The following B3GALT1 variants were observed in gnomAD, a reference collection of about 807,000 sequenced individuals.
B3GALT1 encodes UDP-Gal:betaGlcNAc beta 1,3-galactosyltransferase, polypeptide 1.
A neutral mutation model predicts 23.2 loss-of-function variants in B3GALT1; 10 were observed. The ratio of observed to expected loss-of-function variants is 0.43; its 90% CI spans 0.27 to 0.73. The LOEUF (loss-of-function observed/expected upper bound fraction) is 0.73, where lower values mean the gene tolerates loss of function less well. Among genes scored for constraint, B3GALT1 ranks in the 30% least tolerant of loss-of-function variants. The pLI is 0.21. For synonymous variants in B3GALT1, 156 were observed against 141.5 expected (o/e 1.10, Z -0.73); for missense variants, 299 against 405.4 (o/e 0.74, Z 2.25).
chr2:167,762,215 C>G (rs1687907820), intron 3 of B3GALT1, among the ~76,000 whole-genome samples: 1 of 152,114 alleles, frequency 6.6e-6, no homozygotes, highest in African/African-American at 2.4e-5. Flanking sequence ...CAGTTCTCAG[C>G]ACAATGACAT....
intron 2 of B3GALT1, among the ~76,000 whole-genome samples, chr2:167,646,204 G>A (rs368422527): frequency 2.6e-5 from 4 of 152,236 alleles, no homozygotes; most frequent in African/African-American, 7.2e-5. Flanking sequence ...AGCTCAAAAA[G>A]CATTACCACA....
At chr2:167,819,721 G>A (rs778004304) in intron 4 of B3GALT1, among the ~76,000 whole-genome samples, 11 of 152,170 alleles carry the variant, frequency 7.2e-5, no homozygotes, top group South Asian at 2.1e-4. Flanking sequence ...GGAAGGTGGC[G>A]GGTAGCTCTG....
chr2:167,450,884 C>T (rs1232984922), intron 1 of B3GALT1, among the ~76,000 whole-genome samples: 1 of 151,990 alleles, frequency 6.6e-6, no homozygotes, highest in African/African-American at 2.4e-5. Flanking sequence ...AGGCTTTGTT[C>T]ATTTTTTCTT....
At chr2:167,311,032 C>T (rs1031724706) in intron 1 of B3GALT1, among the ~76,000 whole-genome samples, 1 of 152,020 alleles carries the variant, frequency 6.6e-6, no homozygotes, top group Non-Finnish European at 1.5e-5. Context: ...ATAATTAGGA[C>T]ATTAAAATAT....
intron 2 of B3GALT1, among the ~76,000 whole-genome samples, chr2:167,512,662 G>T (rs935331759): frequency 3.7e-5 from 5 of 133,550 alleles, no homozygotes; most frequent in African/African-American, 8.5e-5. Flanking sequence ...TTTGAGATAG[G>T]GTCTCATTCA....
chr2:167,786,615 C>T (rs1318451279), intron 3 of B3GALT1, among the ~76,000 whole-genome samples: 2 of 152,130 alleles, frequency 1.3e-5, no homozygotes, highest in Non-Finnish European at 2.9e-5. Flanking sequence ...TCCTTTGTCT[C>T]ATGTTAGCAG....
chr2:167,565,405 T>C (rs551036503), intron 2 of B3GALT1, among the ~76,000 whole-genome samples: 15 of 152,246 alleles, frequency 9.9e-5, no homozygotes, highest in African/African-American at 3.6e-4. Flanking sequence ...ACAAAAACCC[T>C]AGAAGAAAAC....
In B3GALT1 at chr2:167,510,414, T is replaced by G. The variant is rs562359699; in HGVS notation, c.-410+20137T>G. 2.2e-4 allele frequency among the ~76,000 whole-genome samples: 34 copies of G among 151,228 alleles called. 1 individual carries two copies. Among genetic ancestry groups the G allele is most frequent in the East Asian group, 5.8e-4 (3 of 5,168 alleles). On this transcript the variant is annotated intron_variant, in intron 2 of 4. Transcript: ENST00000392690. ...TTCATGATTGCAAGTTTTGTTTTTT[T>G]TTTTTTTTTTTTCCAGCCTAAGTTA...
chr2:167,595,517 CA>C (rs11302994), intron 2 of B3GALT1, among the ~76,000 whole-genome samples: 107,952 of 151,920 alleles, frequency 0.71, 39,439 homozygotes, highest in Admixed American at 0.82. Flanking sequence ...GGGGGACTTA[CA>C]AAAATAATCT....
chr2:167,730,454 A>C (rs531601121), intron 3 of B3GALT1, among the ~76,000 whole-genome samples: 1 of 152,334 alleles, frequency 6.6e-6, no homozygotes, highest in African/African-American at 2.4e-5. Context: ...TTTACAGTTT[A>C]CAAAATACTT....
chr2:167,663,531 G>A (rs977310122), intron 3 of B3GALT1, among the ~76,000 whole-genome samples: 67 of 151,912 alleles, frequency 4.4e-4, no homozygotes, highest in African/African-American at 1.5e-3. Flanking sequence ...CTGAGGAATC[G>A]CCACACTGAC....
chr2:167,577,738 A>C (rs1684410038), intron 2 of B3GALT1, among the ~76,000 whole-genome samples: 1 of 151,946 alleles, frequency 6.6e-6, no homozygotes, highest in Non-Finnish European at 1.5e-5. Flanking sequence ...AGACATTGAA[A>C]TAAATTTCCT....
intron 4 of B3GALT1, among the ~76,000 whole-genome samples, chr2:167,826,779 T>C (rs1328574896): frequency 1.3e-5 from 2 of 152,024 alleles, no homozygotes; most frequent in African/African-American, 4.8e-5. Flanking sequence ...AAAGATAATA[T>C]AAGTAAAAAA....
intron 1 of B3GALT1, among the ~76,000 whole-genome samples, chr2:167,343,826 G>A (rs1307811100): frequency 6.6e-6 from 1 of 152,070 alleles, no homozygotes; most frequent in African/African-American, 2.4e-5. Flanking sequence ...CTCTTTTTCA[G>A]GCTGTATTAG....
At chr2:167,405,065 G>C (rs1285629007) in intron 1 of B3GALT1, among the ~76,000 whole-genome samples, 6 of 152,130 alleles carry the variant, frequency 3.9e-5, no homozygotes, top group Non-Finnish European at 5.9e-5. Context: ...AGACAGGAAG[G>C]ATGGGCCTTT....
intron 1 of B3GALT1, among the ~76,000 whole-genome samples, chr2:167,446,421 G>T (rs1037688128): frequency 2.0e-5 from 3 of 152,184 alleles, no homozygotes; most frequent in African/African-American, 7.2e-5. Flanking sequence ...GCCTTGCTAA[G>T]TTGGGGAAGT....
intron 2 of B3GALT1, among the ~76,000 whole-genome samples, chr2:167,615,583 T>C (rs1043243315): frequency 4.6e-5 from 7 of 152,088 alleles, no homozygotes; most frequent in African/African-American, 1.4e-4. Context: ...AATGAATTTG[T>C]CAATTCTATT....
At chr2:167,837,470 G>A (rs1689506599) in intron 4 of B3GALT1, among the ~76,000 whole-genome samples, 1 of 151,784 alleles carries the variant, frequency 6.6e-6, no homozygotes, top group Non-Finnish European at 1.5e-5. Flanking sequence ...TCCACAAGAA[G>A]AGCTAACTAT....
At position 167,688,682 on chromosome 2, in the gene B3GALT1, C is replaced by G. The variant is rs114496692; in HGVS notation, c.-352+41716C>G. Among the ~76,000 whole-genome samples, 965 of 152,124 alleles carry G rather than the reference C, an allele frequency of 6.3e-3. 4 individuals are homozygous for G. Among genetic ancestry groups the G allele is most frequent in the Middle Eastern group, 0.01 (3 of 294 alleles). The stretch of plus-strand genomic sequence containing the variant: ...GGACTAATACAAAAAAAACTAACAT[C>G]TTTATCATCAGAGTCTTAGAACTAG... On this transcript the variant is annotated intron_variant, in intron 3 of 4. Coordinates refer to ENST00000392690, the MANE Select transcript of B3GALT1 (RefSeq NM_020981.4).
Sources: gnomAD v4.1 joint callset for allele counts (sites outside exome capture counted in the v4.1 genomes callset) on GRCh38, gnomAD v4.1.1 for gene constraint, MANE v1.5 for transcripts, NCBI Gene and HGNC (gene_info 2026-07-23, HGNC 2026-07-21) for gene names.